The following KDM5B variants were observed in gnomAD, a reference collection of about 807,000 sequenced individuals.
The protein encoded by KDM5B is lysine-specific demethylase 5B.
A neutral mutation model predicts 193.4 loss-of-function variants in KDM5B; 144 were observed. The ratio of observed to expected loss-of-function variants is 0.74; its 90% CI spans 0.65 to 0.86. The LOEUF (loss-of-function observed/expected upper bound fraction) is 0.86, where lower values mean the gene tolerates loss of function less well. KDM5B is among the 40% of genes least tolerant of loss of function. KDM5B has a pLI of 0.00. For synonymous variants in KDM5B, 668 were observed against 682.6 expected, an observed-to-expected ratio of 0.98 and a Z score of 0.33; for missense variants, 1,833 against 1,886.9, an observed-to-expected ratio of 0.97 and a Z score of 0.53.
At chr1:202,760,140 C>G (rs968512924) in intron 8 of KDM5B, among the ~76,000 whole-genome samples, 1 of 151,922 alleles carries the variant, frequency 6.6e-6, no homozygotes, top group African/African-American at 2.4e-5. Flanking sequence ...ATGGTGAAAC[C>G]CCCTCTGTAC....
intron 1 of KDM5B, among the ~76,000 whole-genome samples, chr1:202,782,910 C>T (rs1312714073): frequency 1.3e-5 from 2 of 152,028 alleles, no homozygotes; most frequent in African/African-American, 4.8e-5. Context: ...TCACACTTTG[C>T]GAGGCCAAAA....
At chr1:202,730,818 C>G in intron 25 of KDM5B, 91 bp downstream of exon 25, 1 of 1,320,452 alleles carries the variant, frequency 7.6e-7, no homozygotes, top group Non-Finnish European at 1.0e-6. Context: ...CCAGTCCTCA[C>G]ACCAGCTGTC....
chr1:202,756,345 C>A lies in KDM5B; in HGVS notation c.1356+13G>T. 6.3e-7 allele frequency: 1 copy of A among 1,594,250 alleles called. No homozygotes were observed. Among genetic ancestry groups the A allele is most frequent in the Non-Finnish European group, 8.5e-7 (1 of 1,171,038 alleles). ...AATAAATACCTCAATTTCCAAGCCA[C>A]TTATATGCCTACCTCTTCCTCAGGT... On this transcript the variant is annotated intron_variant, in intron 10 of 26. Coordinates refer to ENST00000367265, the MANE Select transcript of KDM5B (RefSeq NM_006618.5).
chr1:202,779,804 AAAATAAATAAATAAATAAAT>A (rs145024625), intron 1 of KDM5B, among the ~76,000 whole-genome samples: 17 of 141,330 alleles, frequency 1.2e-4, no homozygotes, highest in South Asian at 2.2e-4. Context: ...CTCCGTCTCA[AAAATAAATAAATAAATAAAT>A]AAATAAATAA....
chr1:202,796,857 T>C (rs1256001422), intron 1 of KDM5B: 2 of 152,706 alleles, frequency 1.3e-5, no homozygotes, highest in East Asian at 1.9e-4. Context: ...TTTGTCGTGA[T>C]GAAGACTCAA....
At chr1:202,781,782 A>G (rs901843528) in intron 1 of KDM5B, among the ~76,000 whole-genome samples, 1 of 152,226 alleles carries the variant, frequency 6.6e-6, no homozygotes, top group African/African-American at 2.4e-5. Flanking sequence ...ATAATGTGTC[A>G]GAATATAGAA....
intron 1 of KDM5B, among the ~76,000 whole-genome samples, chr1:202,783,240 C>G (rs1180411509): frequency 6.6e-6 from 1 of 151,894 alleles, no homozygotes; most frequent in Non-Finnish European, 1.5e-5. Context: ...TGCACTCCAG[C>G]CTGGGTGACA....
intron 2 of KDM5B, 84 bp downstream of exon 2, chr1:202,776,933 C>G: frequency 1.1e-6 from 1 of 887,010 alleles, no homozygotes; most frequent in South Asian, 1.4e-5. Context: ...AATGGTGATT[C>G]TGTAACAATT....
intron 2 of KDM5B, 71 bp downstream of exon 2, chr1:202,776,946 A>T: frequency 2.1e-6 from 2 of 945,574 alleles, no homozygotes; most frequent in South Asian, 1.4e-5. Flanking sequence ...TAACAATTTT[A>T]ATATATCGTA....
In KDM5B at chr1:202,749,236, A is replaced by T; in HGVS notation, c.1822-97T>A. 3 of 1,090,146 alleles carry T rather than the reference A, an allele frequency of 2.8e-6. No homozygotes were observed. The South Asian group carries it at 4.7e-5, about 17-fold the overall frequency. The allele number at this position is 1,090,146 out of a possible 1,614,324, so 67.5% of individuals were successfully genotyped here. A position where few individuals can be genotyped will look rare whatever the true frequency, so the allele number is the denominator to read the frequency against. On this transcript the variant is annotated intron_variant, in intron 13 of 26. Transcript: ENST00000367265. ...TTATCAAATTACCAAACATCACACT[A>T]TGGGTCTTAACACGTATCATTTACC...
chr1:202,782,904 A>T (rs537711527), intron 1 of KDM5B, among the ~76,000 whole-genome samples: 1 of 152,210 alleles, frequency 6.6e-6, no homozygotes, highest in South Asian at 2.1e-4. Flanking sequence ...TGGGGTTCAC[A>T]CTTTGCGAGG....
intron 1 of KDM5B, among the ~76,000 whole-genome samples, chr1:202,799,165 CAATT>C (rs767198915): frequency 3.1e-4 from 47 of 152,308 alleles, no homozygotes; most frequent in Non-Finnish European, 6.5e-4. Flanking sequence ...TGCAATCCAT[CAATT>C]AATTAGTCTG....
Position 202,740,417 on chromosome 1 carries a change from C to T in KDM5B, c.3084+257G>A, listed in dbSNP as rs1181058829. Among the ~76,000 whole-genome samples the T allele has an allele frequency of 8.3e-4, 104 of 125,524 alleles. 3 individuals are homozygous for T. The highest frequency in any genetic ancestry group is 2.7e-3 in the African/African-American group (100 of 36,590). 82.3% of individuals were successfully genotyped at this position (125,524 alleles called of 152,430 possible). ...CCGGCCGGGTGGGGGTCTGACCCCC[C>T]CACCTCCCTCCCGGACGGGGCGGCT... is the stretch of plus-strand genomic sequence containing the variant. On this transcript the variant is annotated intron_variant, in intron 20 of 26. Coordinates refer to ENST00000367265, the MANE Select transcript of KDM5B (RefSeq NM_006618.5).
intron 7 of KDM5B, among the ~76,000 whole-genome samples, chr1:202,761,026 GAGA>G (rs1558498012): frequency 7.4e-6 from 1 of 134,874 alleles, no homozygotes. Flanking sequence ...CCTGTCTCAG[GAGA>G]AAAAAAAAAA....
At chr1:202,796,237 A>G (rs1038462246) in intron 1 of KDM5B, 2 of 367,076 alleles carry the variant, frequency 5.4e-6, no homozygotes, top group Non-Finnish European at 1.1e-5. Flanking sequence ...CCTCTCTCCA[A>G]TCCTGTACTA....
At position 202,749,128 on chromosome 1, in the gene KDM5B, G is replaced by A. The variant is rs949601954; in HGVS notation, c.1833C>T (p.Gly611=). 2 of 1,600,534 alleles carry A rather than the reference G, an allele frequency of 1.2e-6. No individual in the cohort carries two copies. Among genetic ancestry groups the A allele is most frequent in the East Asian group, 2.2e-5 (1 of 44,846 alleles). The part of the protein sequence containing the change: ...NFCTVDWLPL[G]RQCVEHYRLL... ...AGCGATAATGCTCCACACACTGTCG[G>A]CCTAATGGCAGCTGTATCAAAACAC... is the stretch of plus-strand genomic sequence containing the variant. The change falls in exon 14 of 27, where the codon GGC becomes GGT. Residue 611 remains glycine (G), a synonymous_variant. Coordinates refer to ENST00000367265, the MANE Select transcript of KDM5B (RefSeq NM_006618.5).
intron 16 of KDM5B, among the ~76,000 whole-genome samples, chr1:202,743,336 CAAAAAAAAAAAAAAA>C (rs56202317): frequency 8.8e-5 from 7 of 79,446 alleles, no homozygotes; most frequent in African/African-American, 3.8e-4. Context: ...GACCTTGTCT[CAAAAAAAAAAAAAAA>C]AAAAAAAAAA....
intron 4 of KDM5B, among the ~76,000 whole-genome samples, chr1:202,770,146 T>C (rs1219455794): frequency 1.3e-5 from 2 of 152,178 alleles, no homozygotes; most frequent in African/African-American, 2.4e-5. Context: ...CAAACCACAA[T>C]TAAAAATACA....
intron 23 of KDM5B, chr1:202,732,224 C>T (rs559347882): frequency 3.4e-5 from 12 of 352,066 alleles, no homozygotes; most frequent in South Asian, 3.1e-4. Flanking sequence ...AGTGTGAGAA[C>T]AGATCATACA....
Sources: gnomAD v4.1 joint callset for allele counts (sites outside exome capture counted in the v4.1 genomes callset) on GRCh38, gnomAD v4.1.1 for gene constraint, MANE v1.5 for transcripts, NCBI Gene and HGNC (gene_info 2026-07-23, HGNC 2026-07-21) for gene names.